Variants in CENPP observed in about 807,000 individuals in gnomAD.
The protein encoded by CENPP is centromere protein P.
Under a neutral mutation model 35.6 loss-of-function variants are expected in CENPP, and 24 were observed. That is an observed-to-expected ratio of 0.67 (90% CI 0.49 to 0.95). The LOEUF is 0.95. Among genes scored for constraint, CENPP ranks in the 40% least tolerant of loss-of-function variants. CENPP has a pLI of 0.00. For missense variants in CENPP, 332 were observed against 345.3 expected (o/e 0.96, Z 0.31); for synonymous variants, 120 against 125.5 (o/e 0.96, Z 0.29).
At chr9:92,331,450 G>GA (rs1397277240) in intron 1 of CENPP, among the ~76,000 whole-genome samples, 3 of 152,222 alleles carry the variant, frequency 2.0e-5, no homozygotes, top group African/African-American at 4.8e-5. Flanking sequence ...AAAGTGCTGG[G>GA]ATTACAGGCG....
intron 5 of CENPP, among the ~76,000 whole-genome samples, chr9:92,452,611 CAT>C (rs1312260409): frequency 1.3e-5 from 2 of 152,152 alleles, no homozygotes; most frequent in African/African-American, 4.8e-5. Flanking sequence ...ATGCTGGCCT[CAT>C]AAAAAGAGTT....
At chr9:92,460,329 C>T (rs955032161) in intron 5 of CENPP, 6 of 548,596 alleles carry the variant, frequency 1.1e-5, no homozygotes, top group South Asian at 2.7e-5. Context: ...CCACCACACC[C>T]GGCCAATTGT....
intron 5 of CENPP, among the ~76,000 whole-genome samples, chr9:92,502,856 G>T (rs1846773816): frequency 7.0e-6 from 1 of 141,872 alleles, no homozygotes; most frequent in Non-Finnish European, 1.5e-5. Context: ...TACGCAGGAT[G>T]GAGTGCAGTG....
chr9:92,471,057 T>C (rs1845493983), intron 5 of CENPP, among the ~76,000 whole-genome samples: 1 of 152,174 alleles, frequency 6.6e-6, no homozygotes, highest in African/African-American at 2.4e-5. Flanking sequence ...GGAGTGGCCT[T>C]AGTGGCTGTG....
intron 4 of CENPP, among the ~76,000 whole-genome samples, chr9:92,365,996 T>A (rs1054206206): frequency 1.1e-4 from 16 of 151,536 alleles, no homozygotes; most frequent in Non-Finnish European, 1.8e-4. Context: ...CTGGCTAACA[T>A]GGTGAAACCC....
At chr9:92,453,777 G>A (rs1341852907) in intron 5 of CENPP, among the ~76,000 whole-genome samples, 1 of 152,110 alleles carries the variant, frequency 6.6e-6, no homozygotes, top group African/African-American at 2.4e-5. Context: ...GAATGAAAGA[G>A]AAATAGTATG....
intron 5 of CENPP, among the ~76,000 whole-genome samples, chr9:92,399,155 T>G (rs1843007917): frequency 6.6e-6 from 1 of 152,178 alleles, no homozygotes; most frequent in South Asian, 2.1e-4. Flanking sequence ...AAGCATTGTG[T>G]TGATTTGCCT....
chr9:92,471,900 G>T (rs12341093), intron 5 of CENPP, among the ~76,000 whole-genome samples: 55,989 of 151,692 alleles, frequency 0.37, 12,597 homozygotes, highest in African/African-American at 0.63. Flanking sequence ...ACTCAAGCGA[G>T]ATGCCTGCCT....
At position 92,372,537 on chromosome 9, in the gene CENPP, A is replaced by T. The variant is rs565648153; in HGVS notation, c.468-7226A>T. Among the ~76,000 whole-genome samples the T allele has an allele frequency of 4.6e-5, 7 of 152,186 alleles. No individual in the cohort carries two copies. The East Asian group carries it at 5.8e-4, about 13-fold the overall frequency. ...TATGTTTTCTTTACCAGTGAGTTTT[A>T]CACTTTCATGTGATTTCATGATGGT... is the stretch of plus-strand genomic sequence containing the variant. On this transcript the variant is annotated intron_variant, in intron 4 of 7. Transcript: ENST00000375587.
chr9:92,337,586 A>T lies in CENPP; in HGVS notation c.335A>T (p.His112Leu). 1 of 1,609,576 alleles carries T rather than the reference A, an allele frequency of 6.2e-7. No homozygotes were observed. Among genetic ancestry groups the T allele is most frequent in the Non-Finnish European group, 8.5e-7 (1 of 1,175,906 alleles). ...AGACACAGATTATCAGGAAATTGCC[A>T]CATGGTTACATTTCAACTTGAATTT... Reference protein sequence around the residue: ...LQRHRLSGNCHMVTFQLEFQI... With the variant: ...LQRHRLSGNCLMVTFQLEFQI... The change falls in exon 3 of 8, where the codon CAC (histidine) becomes CTC (leucine). Residue 112 changes from histidine (H) to leucine (L), a missense_variant. His to Leu is a moderately conservative substitution (Grantham distance 99). Coordinates refer to ENST00000375587, the MANE Select transcript of CENPP (RefSeq NM_001012267.3).
intron 5 of CENPP, among the ~76,000 whole-genome samples, chr9:92,520,140 C>T (rs145145499): frequency 6.5e-4 from 98 of 150,872 alleles, no homozygotes; most frequent in Admixed American, 1.9e-3. Flanking sequence ...AAAAGTTAGC[C>T]AGGTGTGGTG....
chr9:92,345,297 C>T (rs2130803089), intron 3 of CENPP, among the ~76,000 whole-genome samples: 1 of 151,124 alleles, frequency 6.6e-6, no homozygotes, highest in Non-Finnish European at 1.5e-5. Flanking sequence ...CCATCCTGGC[C>T]GACATGGTGA....
chr9:92,568,608 G>A (rs542896790), intron 5 of CENPP, among the ~76,000 whole-genome samples: 5 of 152,248 alleles, frequency 3.3e-5, no homozygotes, highest in South Asian at 2.1e-4. Flanking sequence ...CACAGTAATG[G>A]GATGGCTGGG....
chr9:92,327,486 GA>G (rs1232101018), intron 1 of CENPP, among the ~76,000 whole-genome samples: 1 of 152,196 alleles, frequency 6.6e-6, no homozygotes, highest in Non-Finnish European at 1.5e-5. Context: ...CACGAAGGGA[GA>G]TGTGCTCACC....
intron 4 of CENPP, among the ~76,000 whole-genome samples, chr9:92,357,750 C>G (rs985080089): frequency 2.0e-5 from 3 of 152,090 alleles, no homozygotes; most frequent in Non-Finnish European, 4.4e-5. Flanking sequence ...CTGCCTTGGC[C>G]TCTGAAAGTA....
At chr9:92,439,210 A>T (rs2130999777) in intron 5 of CENPP, among the ~76,000 whole-genome samples, 1 of 152,272 alleles carries the variant, frequency 6.6e-6, no homozygotes, top group South Asian at 2.1e-4. Context: ...AAATTTTAAA[A>T]ATATAATAAT....
intron 5 of CENPP, among the ~76,000 whole-genome samples, chr9:92,497,557 G>A (rs1184098761): frequency 1.3e-5 from 2 of 151,596 alleles, no homozygotes; most frequent in East Asian, 1.9e-4. Context: ...CTGGGAGGTC[G>A]AGGTTGCAGT....
chr9:92,502,716 A>G, intron 5 of CENPP: 29 of 1,302,934 alleles, frequency 2.2e-5, no homozygotes, highest in Non-Finnish European at 2.9e-5. Context: ...AATTTCATGG[A>G]GACTAAAATA....
At position 92,476,748 on chromosome 9, in the gene CENPP, G is replaced by A. The variant is rs1291767667; in HGVS notation, c.564+96889G>A. Among the ~76,000 whole-genome samples the A allele has an allele frequency of 6.6e-6, 1 of 152,144 alleles. No individual in the cohort carries two copies. The highest frequency in any genetic ancestry group is 1.5e-5 in the Non-Finnish European group (1 of 68,026). ...TGTTATTCTAGACTCATCCCTCATAGGAAATGAGGCGTAAAGAGCTTAAGT... is the reference window on the plus strand; with the variant it reads ...TGTTATTCTAGACTCATCCCTCATAAGAAATGAGGCGTAAAGAGCTTAAGT... On this transcript the variant is annotated intron_variant, in intron 5 of 7. Coordinates refer to ENST00000375587, the MANE Select transcript of CENPP (RefSeq NM_001012267.3). This position sits in a 1 kb window ranked among gnomAD's most constrained non-coding sequence, Gnocchi z 4.1.
Sources: gnomAD v4.1 joint callset for allele counts (sites outside exome capture counted in the v4.1 genomes callset) on GRCh38, gnomAD v4.1.1 for gene constraint, Gnocchi (gnomAD v3.1) non-coding constraint, MANE v1.5 for transcripts, NCBI Gene and HGNC (gene_info 2026-07-23, HGNC 2026-07-21) for gene names.